Variants in TACC1 observed in about 807,000 individuals in gnomAD.
TACC1 encodes transforming acidic coiled-coil-containing protein 1.
A neutral mutation model predicts 84.4 loss-of-function variants in TACC1; 48 were observed. The observed-to-expected ratio is 0.57, with a 90% CI of 0.45 to 0.72. The LOEUF (loss-of-function observed/expected upper bound fraction) is 0.72, where lower values mean the gene tolerates loss of function less well. TACC1 is among the 30% of genes least tolerant of loss of function. The pLI is 0.00. For missense variants in TACC1, 920 were observed against 973.0 expected (o/e 0.95, Z 0.72); for synonymous variants, 372 against 376.3 (o/e 0.99, Z 0.13).
At chr8:38,770,732 C>G (rs966699498) in intron 3 of TACC1, among the ~76,000 whole-genome samples, 2 of 152,000 alleles carry the variant, frequency 1.3e-5, no homozygotes, top group African/African-American at 4.8e-5. Context: ...GAAAAAAAAG[C>G]CAGCTTCTTT....
At chr8:38,830,814 A>C (rs765508101) in intron 5 of TACC1, among the ~76,000 whole-genome samples, 2 of 152,336 alleles carry the variant, frequency 1.3e-5, no homozygotes, top group Non-Finnish European at 2.9e-5. Context: ...CCCTTTCTGA[A>C]ATAATGCCAC....
intron 3 of TACC1, among the ~76,000 whole-genome samples, chr8:38,769,147 G>A (rs1040793823): frequency 6.9e-6 from 1 of 145,644 alleles, no homozygotes; most frequent in African/African-American, 2.5e-5. Flanking sequence ...TGTGTGACTA[G>A]GTGTGTGGTG....
chr8:38,818,231 C>A (rs549176164), intron 2 of TACC1, among the ~76,000 whole-genome samples: 1 of 152,120 alleles, frequency 6.6e-6, no homozygotes, highest in East Asian at 1.9e-4. Flanking sequence ...GACACTGTGT[C>A]AAGAAAAACA....
intron 3 of TACC1, among the ~76,000 whole-genome samples, chr8:38,753,931 TCTTTCTCTC>T (rs768277593): frequency 2.1e-5 from 3 of 142,746 alleles, no homozygotes; most frequent in African/African-American, 5.0e-5. Context: ...CTTTCTTTCT[TCTTTCTCTC>T]TCTCTCTTTC....
intron 3 of TACC1, among the ~76,000 whole-genome samples, chr8:38,747,062 C>T (rs1482730397): frequency 6.6e-6 from 1 of 152,078 alleles, no homozygotes; most frequent in Non-Finnish European, 1.5e-5. Context: ...TATAACATCT[C>T]ACCAAAGAAG....
intron 1 of TACC1, among the ~76,000 whole-genome samples, chr8:38,729,084 A>T (rs1008625090): frequency 1.3e-5 from 2 of 151,804 alleles, no homozygotes; most frequent in African/African-American, 4.8e-5. Flanking sequence ...CTGGGAATAG[A>T]TTCGGGGAGA....
chr8:38,783,076 ATCTATCTATCTATCTATC>A (rs1158421555), upstream of TACC1, among the ~76,000 whole-genome samples: 224 of 95,992 alleles, frequency 2.3e-3, 2 homozygotes, highest in African/African-American at 0.011. Context: ...ATATCTATCT[ATCTATCTATCTATCTATC>A]TATCTATCTA....
intron 1 of TACC1, chr8:38,788,118 G>C (rs1817733139): frequency 4.6e-6 from 1 of 218,262 alleles, no homozygotes; most frequent in Non-Finnish European, 9.1e-6. Flanking sequence ...TCGCTCCCCG[G>C]CCCTTCCCGG....
chr8:38,732,433 A>G (rs887863022), intron 1 of TACC1, among the ~76,000 whole-genome samples: 1 of 151,762 alleles, frequency 6.6e-6, no homozygotes, highest in Non-Finnish European at 1.5e-5. Flanking sequence ...CAACAACAAC[A>G]AAAAAAAACC....
At chr8:38,824,996 C>G (rs1158428506) in intron 3 of TACC1, among the ~76,000 whole-genome samples, 1 of 152,122 alleles carries the variant, frequency 6.6e-6, no homozygotes, top group African/African-American at 2.4e-5. Flanking sequence ...CTACTGTCTG[C>G]AAAGCTTTTG....
upstream of TACC1, among the ~76,000 whole-genome samples, chr8:38,783,078 C>CTATA (rs1816370682): frequency 2.1e-5 from 2 of 94,730 alleles, no homozygotes; most frequent in African/African-American, 1.1e-4. Context: ...ATCTATCTAT[C>CTATA]TATCTATCTA....
At chr8:38,734,627 G>C (rs1414615437) in intron 1 of TACC1, among the ~76,000 whole-genome samples, 1 of 152,240 alleles carries the variant, frequency 6.6e-6, no homozygotes, top group African/African-American at 2.4e-5. Flanking sequence ...ATGCAACAAA[G>C]GACTCTCCTG....
At chr8:38,782,094 T>C (rs1467072287) in intron 3 of TACC1, among the ~76,000 whole-genome samples, 1 of 151,600 alleles carries the variant, frequency 6.6e-6, no homozygotes, top group Non-Finnish European at 1.5e-5. Context: ...TATGTATACA[T>C]GTGCCATGCT....
At chr8:38,798,606 CGTGTGTGTGTGTGT>C (rs10631964) in intron 2 of TACC1, among the ~76,000 whole-genome samples, 1 of 143,396 alleles carries the variant, frequency 7.0e-6, no homozygotes, top group South Asian at 2.3e-4. Flanking sequence ...CTGGGTTCTG[CGTGTGTGTGTGTGT>C]GTGTGTGTGT....
At chr8:38,753,992 C>T (rs1377737698) in intron 3 of TACC1, among the ~76,000 whole-genome samples, 14 of 139,202 alleles carry the variant, frequency 1.0e-4, no homozygotes, top group Non-Finnish European at 2.2e-4. Context: ...CTTGCTCTGT[C>T]GCCCAGGCTG....
chr8:38,835,834 T>G (rs961279613), intron 6 of TACC1, among the ~76,000 whole-genome samples: 1 of 152,236 alleles, frequency 6.6e-6, no homozygotes, highest in African/African-American at 2.4e-5. Context: ...CCCAGAAACT[T>G]AATCATGGGT....
intron 2 of TACC1, among the ~76,000 whole-genome samples, chr8:38,795,491 A>T (rs1211410838): frequency 6.6e-6 from 1 of 152,242 alleles, no homozygotes; most frequent in Non-Finnish European, 1.5e-5. Flanking sequence ...TTCTAAAATT[A>T]TATTGCTGCC....
intron 3 of TACC1, among the ~76,000 whole-genome samples, chr8:38,823,189 T>C (rs978293317): frequency 2.6e-5 from 4 of 152,192 alleles, no homozygotes; most frequent in South Asian, 4.1e-4. Context: ...TAGAGAGATA[T>C]AGGAACCAGT....
upstream of TACC1, chr8:38,785,699 A>G: frequency 1.0e-6 from 1 of 985,512 alleles, no homozygotes; most frequent in Non-Finnish European, 1.2e-6. Flanking sequence ...TGTCAAATCC[A>G]GGAGCCTGGG....
Sources: gnomAD v4.1 joint callset for allele counts (sites outside exome capture counted in the v4.1 genomes callset) on GRCh38, gnomAD v4.1.1 for gene constraint, MANE v1.5 for transcripts, NCBI Gene and HGNC (gene_info 2026-07-23, HGNC 2026-07-21) for gene names.